SPG11: variants seen among roughly 807,000 people sequenced by gnomAD.
The protein encoded by SPG11 is spatacsin.
Under a neutral mutation model 274.0 loss-of-function variants are expected in SPG11, and 222 were observed. The ratio of observed to expected loss-of-function variants is 0.81; its 90% CI spans 0.73 to 0.91. The LOEUF (loss-of-function observed/expected upper bound fraction) is 0.91, where lower values mean the gene tolerates loss of function less well. SPG11 is among the 40% of genes least tolerant of loss of function. The probability of loss-of-function intolerance (pLI) is 0.00; values close to 1 mark genes in which losing one functional copy is unlikely to be tolerated. For missense variants in SPG11, 3,114 were observed against 2,872.7 expected (o/e 1.08, Z -1.92); for synonymous variants, 1,144 against 1,039.7 (o/e 1.10, Z -1.93).
At chr15:44,598,444 G>A in intron 22 of SPG11, 71 bp from the exon 23 acceptor site, 3 of 1,436,012 alleles carry the variant, frequency 2.1e-6, no homozygotes, top group Non-Finnish European at 2.9e-6. Flanking sequence ...TGTTTGAATA[G>A]TGTGGCTCAG....
chr15:44,601,236 T>C (rs2083179809), intron 20 of SPG11, among the ~76,000 whole-genome samples: 1 of 152,182 alleles, frequency 6.6e-6, no homozygotes, highest in Non-Finnish European at 1.5e-5. Context: ...GAATTGTATA[T>C]ATTTAAAGTA....
chr15:44,636,793 G>C (rs1044202232), intron 7 of SPG11, among the ~76,000 whole-genome samples: 3 of 151,610 alleles, frequency 2.0e-5, no homozygotes, highest in Non-Finnish European at 2.9e-5. Flanking sequence ...AGGCGTGGTG[G>C]TGCACACCTG....
At chr15:44,585,383 A>G (rs928781422) in intron 29 of SPG11, among the ~76,000 whole-genome samples, 15 of 150,344 alleles carry the variant, frequency 1.0e-4, no homozygotes, top group South Asian at 2.1e-4. Context: ...AGGTCAGATC[A>G]AGACCATCCT....
intron 35 of SPG11, among the ~76,000 whole-genome samples, chr15:44,568,556 T>C (rs1240305699): frequency 2.0e-5 from 3 of 152,338 alleles, no homozygotes; most frequent in Admixed American, 6.5e-5. Context: ...CAGAGGACAC[T>C]GAGGACACAC....
intron 38 of SPG11, 126 bp downstream of exon 38, chr15:44,565,728 G>T: frequency 8.2e-7 from 1 of 1,215,518 alleles, no homozygotes; most frequent in Non-Finnish European, 1.2e-6. Context: ...GTATCAGAGA[G>T]TTAAATCAGA....
rs1329747068 is a variant in SPG11, at chr15:44,615,507, C to G, written c.2894G>C (p.Ser965Thr). The change falls in exon 16 of 40, where the codon AGC becomes ACC. Residue 965 changes from serine to threonine, a missense_variant. Ser to Thr is a moderately conservative substitution (Grantham distance 58). Coordinates refer to ENST00000261866, the MANE Select transcript of SPG11 (RefSeq NM_025137.4). ...EDFECFLLRLSRIGGVIQDTL... is the reference protein window; with the variant it reads ...EDFECFLLRLTRIGGVIQDTL... ...ATCCTGTATTACACCTCCAATACGG[C>G]TCAGTCTTAGGAGGAAGCATTCAAA... 1 of 1,613,936 alleles carries G rather than the reference C, an allele frequency of 6.2e-7. No individual in the cohort carries two copies. Among genetic ancestry groups the G allele is most frequent in the African/African-American group, 1.3e-5 (1 of 74,894 alleles).
intron 20 of SPG11, among the ~76,000 whole-genome samples, chr15:44,602,906 C>G (rs2083231786): frequency 6.6e-6 from 1 of 152,122 alleles, no homozygotes; most frequent in Non-Finnish European, 1.5e-5. Flanking sequence ...GCCAATAACC[C>G]TATAGTTGTA....
chr15:44,625,233 T>C (rs972703534), intron 11 of SPG11, among the ~76,000 whole-genome samples: 1 of 152,142 alleles, frequency 6.6e-6, no homozygotes, highest in African/African-American at 2.4e-5. Context: ...CCAGCTATTT[T>C]TAGGTGCAAT....
chr15:44,610,630 G>A (rs1206583893), intron 18 of SPG11, among the ~76,000 whole-genome samples: 5 of 152,030 alleles, frequency 3.3e-5, no homozygotes, highest in African/African-American at 1.2e-4. Flanking sequence ...CGCCTGCCTC[G>A]GCCTCCCAAA....
chr15:44,636,935 A>AC (rs1416834819), intron 7 of SPG11, among the ~76,000 whole-genome samples: 50 of 119,262 alleles, frequency 4.2e-4, no homozygotes, highest in Non-Finnish European at 7.1e-4. Context: ...CAAAAAAAAA[A>AC]AAAAAAAAAA....
chr15:44,632,683 A>C (rs1413709055), intron 8 of SPG11, among the ~76,000 whole-genome samples: 1 of 151,914 alleles, frequency 6.6e-6, no homozygotes, highest in Admixed American at 6.6e-5. Context: ...AATTTTTAAA[A>C]TTCTTTTGTA....
In SPG11 at chr15:44,589,276, C is replaced by G. The variant is rs763204091; in HGVS notation, c.4882G>C (p.Glu1628Gln). 1.4e-5 allele frequency: 22 copies of G among 1,614,004 alleles called. 1 individual carries two copies. In the Admixed American group the frequency reaches 2.0e-4, roughly 15 times the overall value. The stretch of plus-strand genomic sequence containing the variant: ...CCATCAGAGAAGAGATGCTCTCTTT[C>G]AACAAAGAGCTGTAAAAGCTTCCCC... ...ELGKLLQLFV[E>Q]REHLFSDGPD... The change falls in exon 28 of 40, where the codon GAA (glutamate) becomes CAA (glutamine). Residue 1628 changes from glutamate (E) to glutamine (Q), a missense_variant. Coordinates refer to ENST00000261866, the MANE Select transcript of SPG11 (RefSeq NM_025137.4).
intron 4 of SPG11, among the ~76,000 whole-genome samples, chr15:44,655,256 T>C (rs1408311956): frequency 6.6e-6 from 1 of 152,230 alleles, no homozygotes; most frequent in Non-Finnish European, 1.5e-5. Flanking sequence ...AGCAAGATCC[T>C]GTCTCTAAAA....
Position 44,620,623 on chromosome 15 carries a change from C to T in SPG11, c.2621-220G>A, listed in dbSNP as rs2083717780. 6.2e-6 allele frequency: 3 copies of T among 487,414 alleles called. No individual in the cohort carries two copies. The East Asian group carries it at 1.1e-4, about 18-fold the overall frequency. The allele number at this position is 487,414 out of a possible 1,614,324, so 30.2% of individuals were successfully genotyped here. A position where few individuals can be genotyped will look rare whatever the true frequency, so the allele number is the denominator to read the frequency against. ...GTGGTGCACTCGTGGCAGCCTCGAC[C>T]TCCTGGGCTCAAGTGGTACTCCTAC... is the stretch of plus-strand genomic sequence containing the variant. On this transcript the variant is annotated intron_variant, in intron 14 of 39. Coordinates refer to ENST00000261866, the MANE Select transcript of SPG11 (RefSeq NM_025137.4).
At chr15:44,572,555 A>G (rs1379433486) in intron 33 of SPG11, 128 bp downstream of exon 33, 17 of 929,636 alleles carry the variant, frequency 1.8e-5, no homozygotes, top group Middle Eastern at 2.2e-4. Flanking sequence ...CCAAGAACTT[A>G]TAACTCCTGC....
chr15:44,596,825 A>ACTGCAG lies in SPG11; in HGVS notation c.4114_4119dup (p.Leu1372_Gln1373dup). On this transcript the variant is annotated inframe_insertion, in exon 24 of 40. Coordinates refer to ENST00000261866, the MANE Select transcript of SPG11 (RefSeq NM_025137.4). Reference sequence around the variant, plus strand: ...TTGTGGAGTTGGCTGTGAATAATGAACTGCAGCCAATCATTTGCTTTGGCA... The same window carrying ACTGCAG: ...TTGTGGAGTTGGCTGTGAATAATGAACTGCAGCTGCAGCCAATCATTTGCTTTGGCA... 1 of 1,614,084 alleles carries ACTGCAG rather than the reference A, an allele frequency of 6.2e-7. No homozygotes were observed. The highest frequency in any genetic ancestry group is 8.5e-7 in the Non-Finnish European group (1 of 1,180,000).
At chr15:44,602,726 C>G (rs1173933557) in intron 20 of SPG11, among the ~76,000 whole-genome samples, 1 of 152,078 alleles carries the variant, frequency 6.6e-6, no homozygotes, top group African/African-American at 2.4e-5. Flanking sequence ...TCGTGATCTA[C>G]CCACCTCGGC....
At chr15:44,623,043 G>T (rs2083798296) in intron 11 of SPG11, among the ~76,000 whole-genome samples, 1 of 152,094 alleles carries the variant, frequency 6.6e-6, no homozygotes, top group African/African-American at 2.4e-5. Context: ...CGACCCCCAG[G>T]CTCAAAGCGA....
intron 27 of SPG11, among the ~76,000 whole-genome samples, chr15:44,589,998 G>C (rs1360265385): frequency 6.6e-6 from 1 of 151,992 alleles, no homozygotes; most frequent in Non-Finnish European, 1.5e-5. Context: ...TAATAGAGAT[G>C]GGGTTTCACC....
Sources: allele counts gnomAD v4.1 joint callset (sites outside exome capture counted in the v4.1 genomes callset), GRCh38; gene constraint gnomAD v4.1.1; transcripts MANE v1.5; gene names NCBI Gene and HGNC (gene_info 2026-07-23, HGNC 2026-07-21).